The following CTSH variants were observed in gnomAD, a reference collection of about 807,000 sequenced individuals.
The protein encoded by CTSH is cathepsin H.
Under a neutral mutation model 56.3 loss-of-function variants are expected in CTSH, and 52 were observed. The observed-to-expected ratio is 0.92, with a 90% CI of 0.74 to 1.16. The LOEUF is 1.16. Ranked by LOEUF, CTSH falls within the 50% of genes most tolerant of loss-of-function variation. CTSH has a pLI of 0.00. For synonymous variants in CTSH, 174 were observed against 155.7 expected, an observed-to-expected ratio of 1.12 and a Z score of -0.88; for missense variants, 406 against 424.5, an observed-to-expected ratio of 0.96 and a Z score of 0.38.
chr15:78,932,337 C>A (rs775340404), intron 6 of CTSH, 35 bp downstream of exon 6: 1 of 1,591,754 alleles, frequency 6.3e-7, no homozygotes, highest in Admixed American at 1.7e-5. Context: ...GATGGGGTGT[C>A]CTCCGCAGGG....
In CTSH at chr15:78,931,451, C is replaced by T; in HGVS notation, c.548G>A (p.Gly183Glu). 6.2e-7 allele frequency: 1 copy of T among 1,614,180 alleles called. No individual in the cohort carries two copies. Among genetic ancestry groups the T allele is most frequent in the Non-Finnish European group, 8.5e-7 (1 of 1,180,036 alleles). ...AQDFNNHGCQ[G>E]GLPSQAFEYI... Reference sequence around the variant, plus strand: ...GGGCCCCTTCTGGTCAGAGACGTACCCTTGGCAGCCGTGATTATTGAAGTC... The same window carrying T: ...GGGCCCCTTCTGGTCAGAGACGTACTCTTGGCAGCCGTGATTATTGAAGTC... Residue 183 changes from glycine to glutamate, a missense_variant and splice_region_variant, in exon 7 of 12, where the codon GGG (glycine) becomes GAG (glutamate). Coordinates refer to ENST00000220166, the MANE Select transcript of CTSH (RefSeq NM_004390.5).
chr15:78,924,099 G>GC (rs1165608694), intron 10 of CTSH, among the ~76,000 whole-genome samples: 1 of 90,074 alleles, frequency 1.1e-5, no homozygotes, highest in African/African-American at 4.4e-5. Flanking sequence ...AACCCAGCGG[G>GC]GGGGGGGGGG....
At chr15:78,929,286 C>G (rs1406243476) in intron 8 of CTSH, 126 bp downstream of exon 8, 2 of 766,242 alleles carry the variant, frequency 2.6e-6, no homozygotes, top group Non-Finnish European at 4.5e-6. Flanking sequence ...TTGGAGAGAA[C>G]AGACAATTGT....
chr15:78,939,194 A>G, intron 1 of CTSH, 23 bp from the exon 2 acceptor site: 1 of 1,534,338 alleles, frequency 6.5e-7, no homozygotes, highest in South Asian at 1.2e-5. Context: ...AAAAAAAATT[A>G]GGTCTGGGCG....
At chr15:78,925,580 T>C in intron 9 of CTSH, 140 bp from the exon 10 acceptor site, 1 of 601,900 alleles carries the variant, frequency 1.7e-6, no homozygotes, top group Non-Finnish European at 3.0e-6. Flanking sequence ...GCGGCCTCTC[T>C]CCCTTCCTGT....
intron 5 of CTSH, among the ~76,000 whole-genome samples, chr15:78,933,262 T>A (rs1276127388): frequency 6.6e-6 from 1 of 152,192 alleles, no homozygotes; most frequent in African/African-American, 2.4e-5. Context: ...TCACTTCCCC[T>A]CTCGAAGCCT....
intron 7 of CTSH, among the ~76,000 whole-genome samples, chr15:78,931,167 C>T (rs1213740284): frequency 2.6e-5 from 4 of 152,144 alleles, no homozygotes; most frequent in Non-Finnish European, 5.9e-5. Flanking sequence ...CTTTTGGCCA[C>T]ACTCCCAGAG....
At chr15:78,937,147 G>C in intron 3 of CTSH, 171 bp downstream of exon 3, 1 of 601,492 alleles carries the variant, frequency 1.7e-6, no homozygotes, top group Non-Finnish European at 2.9e-6. Flanking sequence ...CCAAATTTAC[G>C]ATCCCACATT....
At position 78,935,013 on chromosome 15, in the gene CTSH, T is replaced by C; in HGVS notation, c.370A>G (p.Lys124Glu). The C allele has an allele frequency of 6.2e-7, 1 of 1,614,154 alleles. No individual in the cohort carries two copies. The highest frequency in any genetic ancestry group is 1.1e-5 in the South Asian group (1 of 91,084). ...GPYPPSVDWR[K>E]KGNFVSPVKN... ...ACAGGTGAGACAAAATTTCCTTTTT[T>C]CCGCCAGTCCACGGAAGGTGGGTAG... Residue 124 changes from lysine (K) to glutamate (E), a missense_variant, in exon 5 of 12, where the codon AAA becomes GAA. Transcript: ENST00000220166.
At chr15:78,922,491 A>G (rs1466869143) in intron 11 of CTSH, among the ~76,000 whole-genome samples, 1 of 151,952 alleles carries the variant, frequency 6.6e-6, no homozygotes, top group Admixed American at 6.6e-5. Flanking sequence ...TCACACAGCT[A>G]TTTTATCACC....
intron 9 of CTSH, 172 bp from the exon 10 acceptor site, chr15:78,925,612 C>G: frequency 1.8e-6 from 1 of 559,212 alleles, no homozygotes; most frequent in Non-Finnish European, 3.3e-6. Flanking sequence ...TCTGTCTGGC[C>G]ATCTCTCGTT....
intron 1 of CTSH, among the ~76,000 whole-genome samples, chr15:78,941,601 GC>G (rs2055294013): frequency 6.6e-6 from 1 of 151,836 alleles, no homozygotes; most frequent in African/African-American, 2.4e-5. Context: ...GACCATCCTG[GC>G]TAACACGGTG....
At chr15:78,935,120 C>A (rs74724679) in intron 4 of CTSH, 38 bp from the exon 5 acceptor site, 1 of 1,389,918 alleles carries the variant, frequency 7.2e-7, no homozygotes, top group African/African-American at 1.4e-5. Flanking sequence ...GGAAAATAAA[C>A]AAAACCAAAA....
chr15:78,931,762 G>T, intron 6 of CTSH: 2 of 1,406,782 alleles, frequency 1.4e-6, no homozygotes, highest in Non-Finnish European at 1.8e-6. Flanking sequence ...AGGGCTGTTG[G>T]GTCCAAACCC....
At chr15:78,939,465 C>A (rs549500013) in intron 1 of CTSH, among the ~76,000 whole-genome samples, 1 of 152,192 alleles carries the variant, frequency 6.6e-6, no homozygotes, top group Non-Finnish European at 1.5e-5. Context: ...CTGCTCATAT[C>A]CTGTTTCTTC....
At chr15:78,937,741 G>A in intron 2 of CTSH, 1 of 1,335,778 alleles carries the variant, frequency 7.5e-7, no homozygotes, top group Non-Finnish European at 9.8e-7. Flanking sequence ...CAAGTTTACA[G>A]CAAAGATCAC....
At chr15:78,934,114 G>T (rs1238898254) in intron 5 of CTSH, among the ~76,000 whole-genome samples, 2 of 152,318 alleles carry the variant, frequency 1.3e-5, no homozygotes, top group East Asian at 3.9e-4. Context: ...TGCTGCAAGG[G>T]GAGGTTTGCT....
At chr15:78,942,404 G>C (rs1395592192) in intron 1 of CTSH, among the ~76,000 whole-genome samples, 1 of 152,036 alleles carries the variant, frequency 6.6e-6, no homozygotes, top group South Asian at 2.1e-4. Flanking sequence ...GTAGAGATGG[G>C]GTTTCACCAT....
chr15:78,943,529 C>T (rs973520984), intron 1 of CTSH, among the ~76,000 whole-genome samples: 2 of 152,156 alleles, frequency 1.3e-5, no homozygotes, highest in Admixed American at 1.3e-4. Context: ...CGCAGCCGGT[C>T]CCTGACTCCT....
Sources: allele counts gnomAD v4.1 joint callset (sites outside exome capture counted in the v4.1 genomes callset), GRCh38; gene constraint gnomAD v4.1.1; transcripts MANE v1.5; gene names NCBI Gene and HGNC (gene_info 2026-07-23, HGNC 2026-07-21).